The following TMOD4 variants were observed in gnomAD, a reference collection of about 807,000 sequenced individuals.
TMOD4 encodes tropomodulin 4.
A neutral mutation model predicts 45.4 loss-of-function variants in TMOD4; 34 were observed. The observed-to-expected ratio is 0.75, with a 90% CI of 0.57 to 1.00. TMOD4 has a LOEUF of 1.00. TMOD4 is among the 50% of genes least tolerant of loss of function. The pLI is 0.00. For synonymous variants in TMOD4, 131 were observed against 153.9 expected (o/e 0.85, Z 1.10); for missense variants, 399 against 437.5 (o/e 0.91, Z 0.78).
chr1:151,175,321 A>G (rs1229269981), intron 1 of TMOD4: 1 of 156,858 alleles, frequency 6.4e-6, no homozygotes, highest in Non-Finnish European at 1.4e-5. Flanking sequence ...AGAGAGCTTC[A>G]GGGAAATTCC....
chr1:151,170,637 C>T lies in TMOD4; in HGVS notation c.897G>A (p.Glu299=), dbSNP rs747535613. 34 of 1,614,060 alleles carry T rather than the reference C, an allele frequency of 2.1e-5. No individual in the cohort carries two copies. Among genetic ancestry groups the T allele is most frequent in the South Asian group, 4.4e-5 (4 of 91,084 alleles). Reference sequence around the variant, plus strand: ...GCTCTAGCACGGTGGCCATCTCCATCTCCACTGCATCACCAGGCCACTGGC... The same window carrying T: ...GCTCTAGCACGGTGGCCATCTCCATTTCCACTGCATCACCAGGCCACTGGC... ...NQRQWPGDAV[E]MEMATVLEQC... is the part of the protein sequence containing the mutation. The change falls in exon 9 of 10, where the codon GAG becomes GAA. Residue 299 remains glutamate, a synonymous_variant. Coordinates refer to ENST00000295314, the MANE Select transcript of TMOD4 (RefSeq NM_013353.3).
chr1:151,170,480 T>G, intron 9 of TMOD4, 39 bp downstream of exon 9: 5 of 1,612,260 alleles, frequency 3.1e-6, no homozygotes, highest in East Asian at 2.2e-5. Flanking sequence ...TTTCTGCACT[T>G]CCCTGACCAC....
intron 7 of TMOD4, among the ~76,000 whole-genome samples, 167 bp downstream of exon 7, chr1:151,171,262 TAGAG>T (rs900533166): frequency 1.2e-4 from 18 of 152,044 alleles, no homozygotes; most frequent in African/African-American, 4.3e-4. Flanking sequence ...CTAGGGGTGT[TAGAG>T]AGAGTAGAGA....
chr1:151,170,056 C>T lies in TMOD4; in HGVS notation c.*25G>A. ...ATTTAAGTGTCCAGTGCTCCCAGCG[C>T]TAGTTGGTAAAGGGAAATGCAGTGT... On this transcript the variant is annotated 3_prime_UTR_variant, in exon 10 of 10. Coordinates refer to ENST00000295314, the MANE Select transcript of TMOD4 (RefSeq NM_013353.3). The T allele has an allele frequency of 6.2e-7, 1 of 1,613,986 alleles. No individual in the cohort carries two copies. The highest frequency in any genetic ancestry group is 8.5e-7 in the Non-Finnish European group (1 of 1,179,880).
chr1:151,174,882 C>T lies in TMOD4; in HGVS notation c.-7G>A. 1 of 1,614,062 alleles carries T rather than the reference C, an allele frequency of 6.2e-7. No homozygotes were observed. The highest frequency in any genetic ancestry group is 2.2e-5 in the East Asian group (1 of 44,876). On this transcript the variant is annotated 5_prime_UTR_variant, in exon 2 of 10. Transcript: ENST00000295314. ...CCTTCTGATATGATGACATGGTGGC[C>T]CCCACCCCCTCCCCACTGTGTGGTA...
At chr1:151,174,143 G>A (rs1684035935) in intron 3 of TMOD4, among the ~76,000 whole-genome samples, 1 of 152,160 alleles carries the variant, frequency 6.6e-6, no homozygotes, top group Admixed American at 6.5e-5. Flanking sequence ...GTGAACCCGG[G>A]AGGTGGAGCT....
intron 1 of TMOD4, chr1:151,175,183 C>A: frequency 3.0e-6 from 1 of 332,468 alleles, no homozygotes; most frequent in Non-Finnish European, 5.7e-6. Flanking sequence ...CAGAGAAATC[C>A]TGGCAGCACC....
In TMOD4 at chr1:151,171,729, C is replaced by T. The variant is rs377541747; in HGVS notation, c.522G>A (p.Pro174=). The T allele has an allele frequency of 5.1e-5, 83 of 1,613,928 alleles. No individual in the cohort carries two copies. Among genetic ancestry groups the T allele is most frequent in the Non-Finnish European group, 5.8e-5 (69 of 1,180,028 alleles). ...VVQPDKYKPV[P]DEPPNPTNIE... ...TGTTTGTGGGATTTGGGGGTTCATC[C>T]GGCACTGGCTTATACTTGTCAGGCT... Residue 174 remains proline, a synonymous_variant, in exon 6 of 10, where the codon CCG becomes CCA. Transcript: ENST00000295314.
chr1:151,174,733 C>A lies in TMOD4; in HGVS notation c.123+20G>T. 6.2e-7 allele frequency: 1 copy of A among 1,613,174 alleles called. No homozygotes were observed. The highest frequency in any genetic ancestry group is 1.1e-5 in the South Asian group (1 of 91,032). On this transcript the variant is annotated intron_variant, in intron 2 of 9. Transcript: ENST00000295314. The stretch of plus-strand genomic sequence containing the variant: ...CAAATGCCTGGGACTGCCTCTGGTT[C>A]CCTGTGCTGGAGCCCCTACCTCAGG...
chr1:151,175,734 CA>C (rs1336190871), intron 1 of TMOD4, 189 bp downstream of exon 1: 5 of 152,166 alleles, frequency 3.3e-5, no homozygotes, highest in Non-Finnish European at 7.3e-5. Flanking sequence ...ATGAAAGATC[CA>C]GAAAGTATGT....
chr1:151,175,091 C>A (rs1016001042), intron 1 of TMOD4, 174 bp from the exon 2 acceptor site: 2 of 530,684 alleles, frequency 3.8e-6, no homozygotes, highest in African/African-American at 3.9e-5. Flanking sequence ...GAACTAGAGT[C>A]TCCTTTCTGC....
intron 3 of TMOD4, among the ~76,000 whole-genome samples, chr1:151,174,060 T>A (rs587673105): frequency 1.3e-4 from 19 of 151,714 alleles, no homozygotes; most frequent in South Asian, 8.3e-4. Flanking sequence ...CTAAAAATAC[T>A]AAAAAATTAG....
Position 151,171,433 on chromosome 1 carries a change from A to C in TMOD4, c.726T>G (p.Asn242Lys). ...VATRSGDPIA[N>K]AVADMLRENR... The stretch of plus-strand genomic sequence containing the variant: ...GGCTGGGGATGTCAACTAGCCTTAC[A>C]TTGGCAATGGGGTCACCACTCCTCG... The change falls in exon 7 of 10, where the codon AAT becomes AAG. Residue 242 changes from asparagine (N) to lysine (K), a missense_variant and splice_region_variant. Transcript: ENST00000295314. The C allele has an allele frequency of 6.2e-7, 1 of 1,613,870 alleles. No individual in the cohort carries two copies. Among genetic ancestry groups the C allele is most frequent in the Non-Finnish European group, 8.5e-7 (1 of 1,179,744 alleles).
In TMOD4 at chr1:151,170,601, A is replaced by C. The variant is rs767400289; in HGVS notation, c.933T>G (p.Ser311=). The C allele has an allele frequency of 6.2e-7, 1 of 1,614,060 alleles. No individual in the cohort carries two copies. Among genetic ancestry groups the C allele is most frequent in the Non-Finnish European group, 8.5e-7 (1 of 1,180,028 alleles). ...EMATVLEQCP[S]IVRFGYHFTQ... Reference sequence around the variant, plus strand: ...TAAAGTGGTAGCCAAAGCGGACAATAGAGGGACACTGCTCTAGCACGGTGG... The same window carrying C: ...TAAAGTGGTAGCCAAAGCGGACAATCGAGGGACACTGCTCTAGCACGGTGG... Residue 311 remains serine (S), a synonymous_variant, in exon 9 of 10, where the codon TCT becomes TCG. Transcript: ENST00000295314.
rs751390737 is a variant in TMOD4, at chr1:151,170,534, G to C, written c.1000C>G (p.Arg334Gly). The C allele has an allele frequency of 2.9e-5, 47 of 1,614,008 alleles. No homozygotes were observed. Among genetic ancestry groups the C allele is most frequent in the Non-Finnish European group, 4.0e-5 (47 of 1,180,028 alleles). Residue 334 changes from arginine (R) to glycine (G), a missense_variant, in exon 9 of 10, where the codon CGA becomes GGA. Physicochemically the swap from Arg to Gly is moderately radical, Grantham distance 125. Coordinates refer to ENST00000295314, the MANE Select transcript of TMOD4 (RefSeq NM_013353.3). ...PRARAAQAMT[R>G]NNELRRQQKK... ...AGTTACTCACGTAGTTCATTGTTTC[G>C]GGTCATGGCCTGGGCTGCCCGAGCT...
chr1:151,173,757 G>A (rs1684022878), intron 3 of TMOD4, 142 bp from the exon 4 acceptor site: 1 of 653,692 alleles, frequency 1.5e-6, no homozygotes, highest in Non-Finnish European at 2.7e-6. Context: ...AAACTCAAGA[G>A]TCCTTAGCCC....
At position 151,174,395 on chromosome 1, in the gene TMOD4, C is replaced by G; in HGVS notation, c.276G>C (p.Lys92Asn). 3.1e-6 allele frequency: 5 copies of G among 1,614,106 alleles called. No individual in the cohort carries two copies. Among genetic ancestry groups the G allele is most frequent in the Middle Eastern group, 3.3e-4 (2 of 6,062 alleles). ...RDDLVPFTGEKKGKPYIQPKR... is the reference protein window; with the variant it reads ...RDDLVPFTGENKGKPYIQPKR... ...TGGATGTCAGGGTCCCCATACCCTT[C>G]TTCTCGCCTGTGAAGGGCACCAAGT... Residue 92 changes from lysine (K) to asparagine (N), a missense_variant, in exon 3 of 10, where the codon AAG (lysine) becomes AAC (asparagine). Physicochemically the swap from Lys to Asn is moderately conservative, Grantham distance 94. Transcript: ENST00000295314.
intron 7 of TMOD4, 54 bp from the exon 8 acceptor site, chr1:151,171,117 G>C (rs1311052475): frequency 6.3e-7 from 1 of 1,585,018 alleles, no homozygotes; most frequent in Non-Finnish European, 8.6e-7. Context: ...AGATGACTGA[G>C]GAAAGAAAGA....
At position 151,174,770 on chromosome 1, in the gene TMOD4, G is replaced by A. The variant is rs1021749656; in HGVS notation, c.106C>T (p.Gln36Ter). ...GCCCCTACCTCAGGATCCATCTCCTGTAGTTCGCAGTCCAGCTGCTCTAGC... is the reference window on the plus strand; with the variant it reads ...GCCCCTACCTCAGGATCCATCTCCTATAGTTCGCAGTCCAGCTGCTCTAGC... ...EELEQLDCEL[Q>*]EMDPENMLLP... Residue 36 changes from glutamine to a stop codon, truncating the protein, a stop_gained, in exon 2 of 10, where the codon CAG (glutamine) becomes TAG (stop). Coordinates refer to ENST00000295314, the MANE Select transcript of TMOD4 (RefSeq NM_013353.3). LOFTEE classifies it high-confidence loss of function. The A allele has an allele frequency of 1.9e-6, 3 of 1,613,968 alleles. No homozygotes were observed. The highest frequency in any genetic ancestry group is 1.7e-4 in the Middle Eastern group (1 of 5,900).
Sources: gnomAD v4.1 joint callset for allele counts (sites outside exome capture counted in the v4.1 genomes callset) on GRCh38, gnomAD v4.1.1 for gene constraint, MANE v1.5 for transcripts, NCBI Gene and HGNC (gene_info 2026-07-23, HGNC 2026-07-21) for gene names.